CDH5: variants seen among roughly 807,000 people sequenced by gnomAD.
CDH5 encodes the protein cadherin-5.
A neutral mutation model predicts 62.0 loss-of-function variants in CDH5; 28 were observed. The observed-to-expected ratio is 0.45, with a 90% CI of 0.33 to 0.62. The LOEUF is 0.62. CDH5 is among the 20% of genes least tolerant of loss of function. The probability of loss-of-function intolerance (pLI) is 0.02; values close to 1 mark genes in which losing one functional copy is unlikely to be tolerated. For synonymous variants in CDH5, 464 were observed against 445.8 expected (o/e 1.04, Z -0.52); for missense variants, 940 against 1,065.1 (o/e 0.88, Z 1.63).
At position 66,402,848 on chromosome 16, in the gene CDH5, G is replaced by A. The variant is rs1299852799; in HGVS notation, c.2034G>A (p.Leu678=). The change falls in exon 12 of 12, where the codon CTG becomes CTA. Residue 678 remains leucine (L), a synonymous_variant. Coordinates refer to ENST00000341529, the MANE Select transcript of CDH5 (RefSeq NM_001795.5). Reference sequence around the variant, plus strand: ...GGGCCAAGCCCCCGCGGCCCGCGCTGGACGCCCGGCCTTCCCTCTATGCGC... The same window carrying A: ...GGGCCAAGCCCCCGCGGCCCGCGCTAGACGCCCGGCCTTCCCTCTATGCGC... The part of the protein sequence containing the change: ...RGGAKPPRPA[L]DARPSLYAQV... 2 of 1,601,604 alleles carry A rather than the reference G, an allele frequency of 1.2e-6. No homozygotes were observed. Among genetic ancestry groups the A allele is most frequent in the Non-Finnish European group, 1.7e-6 (2 of 1,175,080 alleles).
intron 10 of CDH5, among the ~76,000 whole-genome samples, chr16:66,400,319 G>A (rs1007481039): frequency 1.3e-4 from 20 of 152,214 alleles, no homozygotes; most frequent in African/African-American, 4.6e-4. Flanking sequence ...ATGTAACAAT[G>A]GATTTTCAGA....
chr16:66,390,952 A>C (rs185332652), intron 6 of CDH5, among the ~76,000 whole-genome samples: 99 of 152,180 alleles, frequency 6.5e-4, no homozygotes, highest in Non-Finnish European at 1.3e-3. Context: ...CTGCCCCTGG[A>C]GTTATTACCT....
chr16:66,403,332 G>A lies in CDH5; in HGVS notation c.*163G>A, dbSNP rs1169836300. On this transcript the variant is annotated 3_prime_UTR_variant, in exon 12 of 12. Transcript: ENST00000341529. This position sits in a 1 kb window ranked among gnomAD's most constrained non-coding sequence, Gnocchi z 4.3. ...TCAGCCTTGGGATAGCAAACTCCAG[G>A]TTCCTGAAATATCCAGGAATATATG... 1.6e-6 allele frequency: 1 copy of A among 624,544 alleles called. No individual in the cohort carries two copies. The highest frequency in any genetic ancestry group is 2.8e-6 in the Non-Finnish European group (1 of 359,502). 38.7% of individuals were successfully genotyped at this position (624,544 alleles called of 1,614,324 possible).
chr16:66,388,877 G>A (rs1369529883), intron 4 of CDH5, among the ~76,000 whole-genome samples: 1 of 152,142 alleles, frequency 6.6e-6, no homozygotes, highest in Admixed American at 6.5e-5. Context: ...TATGGTAGCT[G>A]TAAAGTTTGA....
chr16:66,367,897 C>A (rs1960616259), intron 1 of CDH5, among the ~76,000 whole-genome samples: 1 of 152,136 alleles, frequency 6.6e-6, no homozygotes, highest in South Asian at 2.1e-4. Context: ...AACATGAGAT[C>A]TTTAAGGAAT....
chr16:66,396,247 C>T, intron 8 of CDH5, 46 bp downstream of exon 8: 9 of 1,609,976 alleles, frequency 5.6e-6, no homozygotes, highest in Non-Finnish European at 6.8e-6. Context: ...TTTCCTTTTC[C>T]CTCATTCTTC....
At chr16:66,372,380 G>A (rs1359195173) in intron 1 of CDH5, among the ~76,000 whole-genome samples, 1 of 152,234 alleles carries the variant, frequency 6.6e-6, no homozygotes, top group Non-Finnish European at 1.5e-5. Context: ...GAGAAGTGGT[G>A]ACATGTGTCC....
At chr16:66,373,382 C>G (rs1052655709) in intron 1 of CDH5, among the ~76,000 whole-genome samples, 1 of 151,658 alleles carries the variant, frequency 6.6e-6, no homozygotes, top group Non-Finnish European at 1.5e-5. Context: ...AGACCCTTCC[C>G]TGCAGCCCCC....
intron 10 of CDH5, among the ~76,000 whole-genome samples, chr16:66,399,548 C>A (rs1350436631): frequency 6.6e-6 from 1 of 152,168 alleles, no homozygotes; most frequent in Non-Finnish European, 1.5e-5. Flanking sequence ...TAAGGAGACT[C>A]CTGTGGGATG....
chr16:66,384,498 A>T (rs1960949920), intron 2 of CDH5, among the ~76,000 whole-genome samples: 1 of 151,910 alleles, frequency 6.6e-6, no homozygotes, highest in African/African-American at 2.4e-5. Context: ...CATGCCTGTA[A>T]TCCCAGCATT....
intron 4 of CDH5, among the ~76,000 whole-genome samples, chr16:66,388,687 A>C (rs1240631346): frequency 6.6e-6 from 1 of 152,222 alleles, no homozygotes; most frequent in Admixed American, 6.5e-5. Flanking sequence ...TTGTTACCCA[A>C]GAAGTGGCCA....
chr16:66,388,576 TAGTC>T (rs1961027079), intron 4 of CDH5, 136 bp downstream of exon 4: 2 of 655,476 alleles, frequency 3.1e-6, no homozygotes, highest in South Asian at 1.8e-5. Context: ...ACCATGGAAG[TAGTC>T]AGTATCATAT....
At chr16:66,402,351 G>C (rs868325906) in intron 11 of CDH5, among the ~76,000 whole-genome samples, 1 of 149,226 alleles carries the variant, frequency 6.7e-6, no homozygotes, top group Non-Finnish European at 1.5e-5. Context: ...CCCTGGGTGT[G>C]GGGGAACGGC....
chr16:66,387,089 C>T lies in CDH5; in HGVS notation c.491C>T (p.Ser164Leu), dbSNP rs1182771840. ...TTCAATGCGTCCGTGCCTGAGTCGT[C>T]GGCTGTGGGTACGTTGCATGCCCAC... The part of the protein sequence containing the change: ...RLFNASVPES[S>L]AVGTSVISVT... Residue 164 changes from serine (S) to leucine (L), a missense_variant, in exon 3 of 12, where the codon TCG (serine) becomes TTG (leucine). Ser to Leu is a moderately radical substitution (Grantham distance 145). Coordinates refer to ENST00000341529, the MANE Select transcript of CDH5 (RefSeq NM_001795.5). 4.3e-6 allele frequency: 7 copies of T among 1,610,244 alleles called. No individual in the cohort carries two copies. The highest frequency in any genetic ancestry group is 2.7e-5 in the African/African-American group (2 of 74,992).
chr16:66,398,707 G>A (rs897982980), intron 10 of CDH5, 146 bp downstream of exon 10: 36 of 552,098 alleles, frequency 6.5e-5, no homozygotes, highest in South Asian at 6.1e-5. Context: ...ACTCCAGCCC[G>A]GGCGACAGAG....
At chr16:66,371,114 C>T (rs1335107060) in intron 1 of CDH5, among the ~76,000 whole-genome samples, 1 of 152,152 alleles carries the variant, frequency 6.6e-6, no homozygotes, top group Middle Eastern at 3.2e-3. Context: ...AACCCCATTC[C>T]CGAGCTCCCA....
intron 11 of CDH5, among the ~76,000 whole-genome samples, chr16:66,401,266 C>T (rs1004707917): frequency 1.3e-5 from 2 of 152,224 alleles, no homozygotes; most frequent in African/African-American, 4.8e-5. Context: ...CTCCCCCACG[C>T]ATCAGGCCAG....
chr16:66,369,468 A>G (rs978619574), intron 1 of CDH5, among the ~76,000 whole-genome samples: 1 of 152,158 alleles, frequency 6.6e-6, no homozygotes, highest in African/African-American at 2.4e-5. Context: ...TCCATTACAG[A>G]TAAGGAAGCT....
chr16:66,402,777 A>G lies in CDH5; in HGVS notation c.1963A>G (p.Thr655Ala), dbSNP rs994532130. The change falls in exon 12 of 12, where the codon ACC (threonine) becomes GCC (alanine). Residue 655 changes from threonine (T) to alanine (A), a missense_variant. Coordinates refer to ENST00000341529, the MANE Select transcript of CDH5 (RefSeq NM_001795.5). ...CGAGGAGGGCGGCGGCGAGATGGAC[A>G]CCACCAGCTACGATGTGTCGGTGCT... ...YDEEGGGEMDTTSYDVSVLNS... is the reference protein window; with the variant it reads ...YDEEGGGEMDATSYDVSVLNS... The G allele has an allele frequency of 3.7e-6, 6 of 1,606,836 alleles. No individual in the cohort carries two copies. The Middle Eastern group carries it at 5.1e-4, about 136-fold the overall frequency.
Sources: gnomAD v4.1 joint callset for allele counts (sites outside exome capture counted in the v4.1 genomes callset) on GRCh38, gnomAD v4.1.1 for gene constraint, Gnocchi (gnomAD v3.1) non-coding constraint, MANE v1.5 for transcripts, NCBI Gene and HGNC (gene_info 2026-07-23, HGNC 2026-07-21) for gene names.